IL36G: variants seen among roughly 807,000 people sequenced by gnomAD.
The protein encoded by IL36G is interleukin 36 gamma, also known as interleukin-36 gamma.
Under a neutral mutation model 13.5 loss-of-function variants are expected in IL36G, and 10 were observed. That is an observed-to-expected ratio of 0.74 (90% CI 0.46 to 1.26). The LOEUF (loss-of-function observed/expected upper bound fraction) is 1.26, where lower values mean the gene tolerates loss of function less well. IL36G is among the 50% of genes most tolerant of loss of function. IL36G has a pLI of 0.00. For missense variants in IL36G, 199 were observed against 203.0 expected (o/e 0.98, Z 0.12); for synonymous variants, 84 against 74.0 (o/e 1.13, Z -0.69).
At position 112,980,239 on chromosome 2, in the gene IL36G, C is replaced by T. The variant is rs1339562636; in HGVS notation, c.300+91C>T. The T allele has an allele frequency of 5.6e-6, 6 of 1,075,274 alleles. No individual in the cohort carries two copies. The African/African-American group carries it at 8.0e-5, about 14-fold the overall frequency. 66.6% of individuals were successfully genotyped at this position (1,075,274 alleles called of 1,614,324 possible). A position where few individuals can be genotyped will look rare whatever the true frequency, so the allele number is the denominator to read the frequency against. On this transcript the variant is annotated intron_variant, in intron 4 of 4. Transcript: ENST00000259205. ...TTTAGAATTAAAAAAGAAATAGTCT[C>T]ATCTTCCTAAGCATATTTATTCCCA...
At chr2:112,979,427 G>A in intron 3 of IL36G, 102 bp downstream of exon 3, 1 of 666,498 alleles carries the variant, frequency 1.5e-6, no homozygotes, top group Non-Finnish European at 2.7e-6. Flanking sequence ...GGGCCCACCA[G>A]GAGTGGGGAG....
In IL36G at chr2:112,985,128, T is replaced by C; in HGVS notation, c.*79T>C. On this transcript the variant is annotated 3_prime_UTR_variant, in exon 5 of 5. Coordinates refer to ENST00000259205, the MANE Select transcript of IL36G (RefSeq NM_019618.4). The stretch of plus-strand genomic sequence containing the variant: ...TGTGTTTTCGTCTACATTTTCTTAG[T>C]GTCATTTTCACGCTGGTGCTGAGAC... The C allele has an allele frequency of 9.8e-7, 1 of 1,017,060 alleles. No homozygotes were observed. Among genetic ancestry groups the C allele is most frequent in the Non-Finnish European group, 1.5e-6 (1 of 682,784 alleles). 63.0% of individuals were successfully genotyped at this position (1,017,060 alleles called of 1,614,324 possible).
At chr2:112,979,119 C>A (rs1272499778) in intron 2 of IL36G, 102 bp from the exon 3 acceptor site, 1 of 718,654 alleles carries the variant, frequency 1.4e-6, no homozygotes, top group Non-Finnish European at 2.5e-6. Flanking sequence ...AAACCCCACA[C>A]CTTCCTTACA....
chr2:112,980,210 T>A (rs2105011725), intron 4 of IL36G, 62 bp downstream of exon 4: 1 of 1,367,336 alleles, frequency 7.3e-7, no homozygotes, highest in East Asian at 2.3e-5. Context: ...GTTGAATACC[T>A]AATTTTAGAA....
rs763731080 is a variant in IL36G, at chr2:112,980,019, T to A, written c.171T>A (p.Ala57=). ...RSDSVTPVTV[A]VITCKYPEAL... is the part of the protein sequence containing the mutation. Reference sequence around the variant, plus strand: ...CTCTTATCTTTACAGTCACTGTTGCTGTTATCACATGCAAGTATCCAGAGG... The same window carrying A: ...CTCTTATCTTTACAGTCACTGTTGCAGTTATCACATGCAAGTATCCAGAGG... Residue 57 remains alanine (A), a synonymous_variant, in exon 4 of 5, where the codon GCT becomes GCA. Transcript: ENST00000259205. The A allele has an allele frequency of 1.2e-6, 2 of 1,612,878 alleles. No homozygotes were observed. Among genetic ancestry groups the A allele is most frequent in the East Asian group, 4.5e-5 (2 of 44,876 alleles).
intron 4 of IL36G, among the ~76,000 whole-genome samples, chr2:112,984,286 A>G (rs1487837922): frequency 6.6e-6 from 1 of 152,232 alleles, no homozygotes; most frequent in Non-Finnish European, 1.5e-5. Flanking sequence ...ATAGTTCCAT[A>G]TACAATATAG....
chr2:112,978,600 T>C lies in IL36G; in HGVS notation c.-19-20T>C. 1.3e-6 allele frequency: 2 copies of C among 1,595,914 alleles called. No individual in the cohort carries two copies. The highest frequency in any genetic ancestry group is 1.7e-6 in the Non-Finnish European group (2 of 1,163,316). ...GGAAACATCTCTTGTGGTTCATCTG[T>C]TCTATGTCTGCTTTCACAGGTGCTG... On this transcript the variant is annotated intron_variant, in intron 1 of 4. Coordinates refer to ENST00000259205, the MANE Select transcript of IL36G (RefSeq NM_019618.4).
intron 4 of IL36G, among the ~76,000 whole-genome samples, chr2:112,982,458 C>T (rs185703631): frequency 3.9e-5 from 6 of 152,198 alleles, no homozygotes; most frequent in East Asian, 1.9e-4. Flanking sequence ...AGAGGAATGG[C>T]GTGAAGGGGC....
At chr2:112,979,126 T>G in intron 2 of IL36G, 95 bp from the exon 3 acceptor site, 1 of 754,870 alleles carries the variant, frequency 1.3e-6, no homozygotes, top group Admixed American at 2.1e-5. Context: ...ACACCTTCCT[T>G]ACAAAATGGC....
intron 4 of IL36G, among the ~76,000 whole-genome samples, chr2:112,984,428 C>A (rs557486690): frequency 6.6e-6 from 1 of 152,200 alleles, no homozygotes; most frequent in Admixed American, 6.5e-5. Flanking sequence ...AAATTCATAC[C>A]CTAACCTGGC....
intron 4 of IL36G, among the ~76,000 whole-genome samples, chr2:112,980,789 G>A (rs1053694055): frequency 6.6e-6 from 1 of 152,216 alleles, no homozygotes; most frequent in Non-Finnish European, 1.5e-5. Context: ...GCTTAAAGGA[G>A]TTAAATCTAT....
chr2:112,978,201 G>A, intron 1 of IL36G, 123 bp downstream of exon 1: 1 of 207,564 alleles, frequency 4.8e-6, no homozygotes, highest in Non-Finnish European at 9.8e-6. Context: ...CCTATGTGTG[G>A]CTGCTTCTTA....
rs901285536 is a variant in IL36G at position 112,984,727 on chromosome 2, A to G, written c.301-113A>G. The G allele has an allele frequency of 4.9e-5, 43 of 879,072 alleles. No individual in the cohort carries two copies. The African/African-American group carries it at 5.7e-4, about 12-fold the overall frequency. 54.5% of individuals were successfully genotyped at this position (879,072 alleles called of 1,614,324 possible). Reference sequence around the variant, plus strand: ...TGTGTTTCTCTAGGCCTGCTCTAATAGATGGATAAGGTTTTCTGGAACTTT... The same window carrying G: ...TGTGTTTCTCTAGGCCTGCTCTAATGGATGGATAAGGTTTTCTGGAACTTT... On this transcript the variant is annotated intron_variant, in intron 4 of 4. Coordinates refer to ENST00000259205, the MANE Select transcript of IL36G (RefSeq NM_019618.4).
chr2:112,979,287 A>G lies in IL36G; in HGVS notation c.122A>G (p.Asn41Ser), dbSNP rs575481711. 4 of 1,613,466 alleles carry G rather than the reference A, an allele frequency of 2.5e-6. No homozygotes were observed. The highest frequency in any genetic ancestry group is 4.5e-5 in the East Asian group (2 of 44,884). ...NQQVWTLQGQ[N>S]LVAVPRSDSV... ...CAAGTGTGGACCCTTCAGGGTCAGA[A>G]CCTTGTGGCAGTTCCACGAAGTGAC... The change falls in exon 3 of 5, where the codon AAC becomes AGC. Residue 41 changes from asparagine (N) to serine (S), a missense_variant. Asn to Ser is a conservative substitution (Grantham distance 46). Coordinates refer to ENST00000259205, the MANE Select transcript of IL36G (RefSeq NM_019618.4).
rs1684233133 is a variant in IL36G, at chr2:112,979,876, A to G, written c.161-133A>G. ...GAATGAATGAATATGGGGGTTGGCC[A>G]TTTGGTGGGTCTAGTTGGGATTACA... On this transcript the variant is annotated intron_variant, in intron 3 of 4. Transcript: ENST00000259205. 4 of 711,208 alleles carry G rather than the reference A, an allele frequency of 5.6e-6. No homozygotes were observed. In the East Asian group the frequency reaches 1.1e-4, roughly 19 times the overall value. 44.1% of individuals were successfully genotyped at this position (711,208 alleles called of 1,614,324 possible). A position where few individuals can be genotyped will look rare whatever the true frequency, so the allele number is the denominator to read the frequency against.
In IL36G at chr2:112,980,080, GGAATCCA is replaced by G; in HGVS notation, c.243_249del (p.Asn81LysfsTer17). On this transcript the variant is annotated frameshift_variant, in exon 4 of 5. Coordinates refer to ENST00000259205, the MANE Select transcript of IL36G (RefSeq NM_019618.4). LOFTEE classifies it high-confidence loss of function. ...AGGCAGAGGGGATCCCATTTATTTG[GGAATCCA>G]GAATCCAGAAATGTGTTTGTATTGT... is the stretch of plus-strand genomic sequence containing the variant. 1 of 1,614,032 alleles carries G rather than the reference GGAATCCA, an allele frequency of 6.2e-7. No homozygotes were observed.
intron 4 of IL36G, among the ~76,000 whole-genome samples, chr2:112,984,601 A>C (rs1345027686): frequency 8.5e-5 from 13 of 152,144 alleles, no homozygotes; most frequent in Non-Finnish European, 1.5e-4. Context: ...CTTGTTCATT[A>C]AACTCTCCCT....
At chr2:112,980,565 T>C (rs773072225) in intron 4 of IL36G, among the ~76,000 whole-genome samples, 1 of 152,254 alleles carries the variant, frequency 6.6e-6, no homozygotes, top group Non-Finnish European at 1.5e-5. Flanking sequence ...AGAGTTGACA[T>C]TTCACATTTA....
In IL36G at chr2:112,979,271, A is replaced by G. The variant is rs757387372; in HGVS notation, c.106A>G (p.Thr36Ala). ...TAATGATTTGAATCAGCAAGTGTGG[A>G]CCCTTCAGGGTCAGAACCTTGTGGC... ...TINDLNQQVWTLQGQNLVAVP... is the reference protein window; with the variant it reads ...TINDLNQQVWALQGQNLVAVP... Residue 36 changes from threonine to alanine, a missense_variant, in exon 3 of 5, where the codon ACC becomes GCC. Transcript: ENST00000259205. 1 of 1,613,760 alleles carries G rather than the reference A, an allele frequency of 6.2e-7. No homozygotes were observed. Among genetic ancestry groups the G allele is most frequent in the Non-Finnish European group, 8.5e-7 (1 of 1,179,610 alleles).
Sources: allele counts gnomAD v4.1 joint callset (sites outside exome capture counted in the v4.1 genomes callset), GRCh38; gene constraint gnomAD v4.1.1; transcripts MANE v1.5; gene names NCBI Gene and HGNC (gene_info 2026-07-23, HGNC 2026-07-21).